CENPP: variants seen among roughly 807,000 people sequenced by gnomAD.
CENPP encodes the protein centromere protein P.
Under a neutral mutation model 35.6 loss-of-function variants are expected in CENPP, and 24 were observed. That is an observed-to-expected ratio of 0.67 (90% CI 0.49 to 0.95). CENPP has a LOEUF of 0.95. Ranked by LOEUF, CENPP falls within the 40% of genes least tolerant of loss-of-function variation. The probability of loss-of-function intolerance (pLI) is 0.00; values close to 1 mark genes in which losing one functional copy is unlikely to be tolerated. For missense variants in CENPP, 332 were observed against 345.3 expected (o/e 0.96, Z 0.31); for synonymous variants, 120 against 125.5 (o/e 0.96, Z 0.29).
At position 92,440,299 on chromosome 9, in the gene CENPP, A is replaced by C. The variant is rs141595686; in HGVS notation, c.564+60440A>C. Among the ~76,000 whole-genome samples, 16 of 152,178 alleles carry C rather than the reference A, an allele frequency of 1.1e-4. No individual in the cohort carries two copies. In the East Asian group the frequency reaches 3.1e-3, roughly 29 times the overall value. ...CCACATTGGAAGAAAAAGAATTGTC[A>C]TGGGCCACACATAAAACACACTAAC... On this transcript the variant is annotated intron_variant, in intron 5 of 7. Transcript: ENST00000375587.
intron 5 of CENPP, among the ~76,000 whole-genome samples, chr9:92,556,033 G>A (rs1483362374): frequency 6.6e-6 from 1 of 152,094 alleles, no homozygotes; most frequent in Non-Finnish European, 1.5e-5. Flanking sequence ...TTAGGGCTAT[G>A]AACTTTCCTC....
intron 5 of CENPP, chr9:92,403,117 A>G: frequency 1.6e-6 from 1 of 627,318 alleles, no homozygotes; most frequent in South Asian, 2.5e-5. Context: ...ATTCGTTTGA[A>G]TCATTTAAAG....
intron 5 of CENPP, among the ~76,000 whole-genome samples, chr9:92,551,225 G>C (rs1056985311): frequency 5.3e-5 from 8 of 152,182 alleles, no homozygotes; most frequent in Non-Finnish European, 1.2e-4. Flanking sequence ...ATGAGTGGAA[G>C]CCACAGTTTC....
chr9:92,610,858 G>T (rs965603886), intron 5 of CENPP: 1 of 191,760 alleles, frequency 5.2e-6, no homozygotes, highest in Non-Finnish European at 1.1e-5. Flanking sequence ...AGCCCTCACG[G>T]AGCCTCAGCT....
At chr9:92,577,059 A>G (rs187908597) in intron 5 of CENPP, among the ~76,000 whole-genome samples, 6 of 152,354 alleles carry the variant, frequency 3.9e-5, no homozygotes, top group African/African-American at 1.2e-4. Flanking sequence ...AACCCTGCCA[A>G]TTATTAGGAT....
chr9:92,569,548 G>A (rs571014155), intron 5 of CENPP, among the ~76,000 whole-genome samples: 12 of 152,280 alleles, frequency 7.9e-5, no homozygotes, highest in Non-Finnish European at 1.3e-4. Flanking sequence ...GCTTAGGATT[G>A]TCTTGGAAAT....
intron 5 of CENPP, among the ~76,000 whole-genome samples, chr9:92,548,187 G>A (rs1849513035): frequency 6.6e-6 from 1 of 151,648 alleles, no homozygotes; most frequent in East Asian, 1.9e-4. Context: ...TTGCTCCTGT[G>A]TAATCCACCA....
In CENPP at chr9:92,509,900, T is replaced by C. The variant is rs1442133211; in HGVS notation, c.565-101414T>C. 3.1e-6 allele frequency: 5 copies of C among 1,603,094 alleles called. No homozygotes were observed. In the African/African-American group the frequency reaches 6.7e-5, roughly 22 times the overall value. On this transcript the variant is annotated intron_variant, in intron 5 of 7. Transcript: ENST00000375587. Reference sequence around the variant, plus strand: ...CATTGAAAAACAAATATTAAATACCTGATAAACTTTCTTCATCGATAGCCT... The same window carrying C: ...CATTGAAAAACAAATATTAAATACCCGATAAACTTTCTTCATCGATAGCCT...
intron 5 of CENPP, among the ~76,000 whole-genome samples, chr9:92,571,486 T>A (rs1349883804): frequency 2.0e-5 from 3 of 152,150 alleles, no homozygotes; most frequent in African/African-American, 4.8e-5. Context: ...TGCTTAGGAG[T>A]GCTTTACTTC....
At chr9:92,382,281 A>G (rs1842268478) in intron 5 of CENPP, among the ~76,000 whole-genome samples, 1 of 152,088 alleles carries the variant, frequency 6.6e-6, no homozygotes, top group Non-Finnish European at 1.5e-5. Flanking sequence ...CATGGGGTAC[A>G]TAGTGGTGTT....
chr9:92,482,518 T>A (rs1320599348), intron 5 of CENPP: 1 of 152,226 alleles, frequency 6.6e-6, no homozygotes, highest in African/African-American at 2.4e-5. Context: ...AGGAGCAAGA[T>A]TAAAACTTGT....
intron 5 of CENPP, among the ~76,000 whole-genome samples, chr9:92,546,366 G>A (rs1055986566): frequency 2.0e-5 from 3 of 152,062 alleles, no homozygotes; most frequent in Admixed American, 6.5e-5. Context: ...TTGTTCTTTT[G>A]CTCTTTGCAA....
At chr9:92,604,389 T>A (rs953129747) in intron 5 of CENPP, among the ~76,000 whole-genome samples, 1 of 152,220 alleles carries the variant, frequency 6.6e-6, no homozygotes, top group Non-Finnish European at 1.5e-5. Context: ...AATTGGGTTA[T>A]TTATCTTCTT....
At chr9:92,416,017 T>C (rs1032163542) in intron 5 of CENPP, among the ~76,000 whole-genome samples, 1 of 142,548 alleles carries the variant, frequency 7.0e-6, no homozygotes, top group African/African-American at 2.5e-5. Flanking sequence ...TAAAAGAGAA[T>C]ATATATTTTT....
chr9:92,453,559 A>G (rs1464440528), intron 5 of CENPP, among the ~76,000 whole-genome samples: 1 of 152,036 alleles, frequency 6.6e-6, no homozygotes, highest in Non-Finnish European at 1.5e-5. Context: ...TGTGGTGCTG[A>G]AAAAAAAGTA....
chr9:92,329,009 C>T (rs908291729), intron 1 of CENPP, among the ~76,000 whole-genome samples: 4 of 152,104 alleles, frequency 2.6e-5, no homozygotes, highest in Non-Finnish European at 2.9e-5. Flanking sequence ...ACACGAACTC[C>T]CTACTAGCCA....
chr9:92,601,573 A>G lies in CENPP; in HGVS notation c.565-9741A>G, dbSNP rs76254528. On this transcript the variant is annotated intron_variant, in intron 5 of 7. Transcript: ENST00000375587. ...CTCATTTAAACGCCACGCTGTGACC[A>G]AAAGGACAGAGGTGCCTGGCCTGGT... 6.8e-3 allele frequency among the ~76,000 whole-genome samples: 1,034 copies of G among 152,322 alleles called. 11 individuals are homozygous for G. The highest frequency in any genetic ancestry group is 0.031 in the Middle Eastern group (9 of 294).
chr9:92,355,673 A>G (rs1841570796), intron 4 of CENPP, among the ~76,000 whole-genome samples: 1 of 152,234 alleles, frequency 6.6e-6, no homozygotes, highest in African/African-American at 2.4e-5. Context: ...AGACCTAAAA[A>G]AAGAATAGCT....
intron 4 of CENPP, among the ~76,000 whole-genome samples, chr9:92,378,362 C>T (rs1842169878): frequency 6.6e-6 from 1 of 152,034 alleles, no homozygotes; most frequent in Non-Finnish European, 1.5e-5. Flanking sequence ...TTCCTGGGGC[C>T]TTTTGGGTTA....
Sources: allele counts gnomAD v4.1 joint callset (sites outside exome capture counted in the v4.1 genomes callset), GRCh38; gene constraint gnomAD v4.1.1; transcripts MANE v1.5; gene names NCBI Gene and HGNC (gene_info 2026-07-23, HGNC 2026-07-21).